The following RGS21 variants were observed in gnomAD, a reference collection of about 807,000 sequenced individuals.
The protein encoded by RGS21 is regulator of G protein signaling 21, also known as regulator of G-protein signalling 21.
A neutral mutation model predicts 18.7 loss-of-function variants in RGS21; 19 were observed. The ratio of observed to expected loss-of-function variants is 1.01; its 90% CI spans 0.71 to 1.49. RGS21 has a LOEUF of 1.49. RGS21 is among the 40% of genes most tolerant of loss of function. The pLI is 0.00. For missense variants in RGS21, 194 were observed against 176.8 expected (o/e 1.10, Z -0.55); for synonymous variants, 56 against 57.8 (o/e 0.97, Z 0.14).
intron 1 of RGS21, among the ~76,000 whole-genome samples, chr1:192,328,497 A>T (rs1054342625): frequency 3.3e-4 from 51 of 152,298 alleles, no homozygotes; most frequent in Admixed American, 2.9e-3. Flanking sequence ...TCTTAATAAA[A>T]CAGGCCATCA....
chr1:192,351,065 G>A (rs1229444920), intron 3 of RGS21, among the ~76,000 whole-genome samples: 1 of 152,152 alleles, frequency 6.6e-6, no homozygotes, highest in Non-Finnish European at 1.5e-5. Context: ...CTGTGAATAA[G>A]TGAGTCCATT....
At chr1:192,337,588 G>C (rs559371181) in intron 1 of RGS21, among the ~76,000 whole-genome samples, 2 of 151,998 alleles carry the variant, frequency 1.3e-5, no homozygotes, top group Non-Finnish European at 2.9e-5. Context: ...ATAGTTTAAC[G>C]GATGCTGTGT....
chr1:192,354,598 G>A (rs1233699259), intron 4 of RGS21, among the ~76,000 whole-genome samples: 1 of 151,666 alleles, frequency 6.6e-6, no homozygotes, highest in African/African-American at 2.4e-5. Flanking sequence ...ATTTGAGATG[G>A]TTGGAAAATA....
chr1:192,341,843 A>T (rs1367697230), intron 1 of RGS21, among the ~76,000 whole-genome samples: 1 of 149,890 alleles, frequency 6.7e-6, no homozygotes, highest in South Asian at 2.1e-4. Flanking sequence ...TCAAGCATAT[A>T]TTATAAAATT....
At chr1:192,331,729 T>C (rs1040166837) in intron 1 of RGS21, among the ~76,000 whole-genome samples, 1 of 151,878 alleles carries the variant, frequency 6.6e-6, no homozygotes, top group African/African-American at 2.4e-5. Context: ...ATGAAAATCA[T>C]GAGTTAGAAA....
chr1:192,346,602 A>G (rs1658947048), intron 2 of RGS21, among the ~76,000 whole-genome samples: 1 of 152,116 alleles, frequency 6.6e-6, no homozygotes. Context: ...CAGAAAGTTT[A>G]TATCTTAAAC....
At chr1:192,322,632 A>T (rs529831667) in intron 1 of RGS21, among the ~76,000 whole-genome samples, 5 of 152,084 alleles carry the variant, frequency 3.3e-5, no homozygotes, top group African/African-American at 1.2e-4. Flanking sequence ...AAGTTCTTCC[A>T]CTAACGCCAG....
intron 1 of RGS21, among the ~76,000 whole-genome samples, chr1:192,325,514 T>G (rs1228255984): frequency 6.6e-6 from 1 of 152,098 alleles, no homozygotes; most frequent in African/African-American, 2.4e-5. Flanking sequence ...CTGTTTTAAG[T>G]TCTTTGAGAA....
At chr1:192,326,648 G>T (rs1307284722) in intron 1 of RGS21, among the ~76,000 whole-genome samples, 1 of 152,068 alleles carries the variant, frequency 6.6e-6, no homozygotes, top group African/African-American at 2.4e-5. Flanking sequence ...TTAGAATATG[G>T]AAATGCACAC....
chr1:192,320,068 T>G (rs1288968306), intron 1 of RGS21, among the ~76,000 whole-genome samples: 1 of 152,052 alleles, frequency 6.6e-6, no homozygotes, highest in African/African-American at 2.4e-5. Context: ...TAGATCTTTT[T>G]AAAACCGCAA....
At chr1:192,341,175 T>A (rs1658857047) in intron 1 of RGS21, among the ~76,000 whole-genome samples, 1 of 152,064 alleles carries the variant, frequency 6.6e-6, no homozygotes, top group Non-Finnish European at 1.5e-5. Flanking sequence ...TCCTGAAATA[T>A]CCTACTACTA....
chr1:192,322,082 G>A (rs1319839072), intron 1 of RGS21, among the ~76,000 whole-genome samples: 1 of 152,098 alleles, frequency 6.6e-6, no homozygotes, highest in Admixed American at 6.6e-5. Context: ...GCCCCTTGCA[G>A]GGGACTGCAG....
chr1:192,338,225 C>A (rs140745754), intron 1 of RGS21, among the ~76,000 whole-genome samples: 1 of 152,250 alleles, frequency 6.6e-6, no homozygotes, highest in South Asian at 2.1e-4. Flanking sequence ...GAACCATACA[C>A]AACTCAGGCT....
At chr1:192,347,488 A>T in intron 3 of RGS21, 99 bp downstream of exon 3, 1 of 606,074 alleles carries the variant, frequency 1.6e-6, no homozygotes, top group East Asian at 3.0e-5. Flanking sequence ...AGTTTAATCA[A>T]TGAAGTATAA....
chr1:192,321,984 A>G (rs546191261), intron 1 of RGS21, among the ~76,000 whole-genome samples: 1 of 152,264 alleles, frequency 6.6e-6, no homozygotes, highest in African/African-American at 2.4e-5. Flanking sequence ...TTTAAAAAGT[A>G]ATTTGATGCA....
intron 3 of RGS21, among the ~76,000 whole-genome samples, 166 bp downstream of exon 3, chr1:192,347,555 G>A (rs1234488700): frequency 6.9e-6 from 1 of 143,944 alleles, no homozygotes. Context: ...ATCAGGTTGG[G>A]GCTAAAATAA....
In RGS21 at chr1:192,339,546, T is replaced by C. The variant is rs1373132194; in HGVS notation, c.-60-3431T>C. The stretch of plus-strand genomic sequence containing the variant: ...TTTTTTTAATGGATTGCCATGATCA[T>C]GAGTGGAATCACCATTCTTTCAAGC... On this transcript the variant is annotated intron_variant, in intron 1 of 4. Coordinates refer to ENST00000417209, the MANE Select transcript of RGS21 (RefSeq NM_001039152.3). Among the ~76,000 whole-genome samples, 5 of 151,994 alleles carry C rather than the reference T, an allele frequency of 3.3e-5. No homozygotes were observed. The South Asian group carries it at 8.3e-4, about 25-fold the overall frequency.
At chr1:192,363,653 C>T (rs1659218076) in intron 4 of RGS21, among the ~76,000 whole-genome samples, 2 of 152,104 alleles carry the variant, frequency 1.3e-5, no homozygotes, top group Admixed American at 6.6e-5. Flanking sequence ...CTTTCTATTG[C>T]TTCTAGCAGG....
At chr1:192,350,139 T>C (rs1382187451) in intron 3 of RGS21, among the ~76,000 whole-genome samples, 2 of 152,200 alleles carry the variant, frequency 1.3e-5, no homozygotes, top group African/African-American at 2.4e-5. Flanking sequence ...ATTGAATTTT[T>C]ATATAGTGCT....
Sources: allele counts gnomAD v4.1 joint callset (sites outside exome capture counted in the v4.1 genomes callset), GRCh38; gene constraint gnomAD v4.1.1; transcripts MANE v1.5; gene names NCBI Gene and HGNC (gene_info 2026-07-23, HGNC 2026-07-21).